The following ADAMTS9 variants were observed in gnomAD, a reference collection of about 807,000 sequenced individuals.
ADAMTS9 encodes the protein ADAM metallopeptidase with thrombospondin type 1 motif 9.
Under a neutral mutation model 257.1 loss-of-function variants are expected in ADAMTS9, and 107 were observed. The observed-to-expected ratio is 0.42, with a 90% CI of 0.36 to 0.49. ADAMTS9 has a LOEUF of 0.49. ADAMTS9 is among the 20% of genes least tolerant of loss of function. The pLI is 0.03. For synonymous variants in ADAMTS9, 982 were observed against 880.9 expected (o/e 1.11, Z -2.03); for missense variants, 2,353 against 2,469.1 (o/e 0.95, Z 1.00).
rs1389038159 is a variant in ADAMTS9, at chr3:64,631,483, T to C, written c.2361A>G (p.Ser787=). Residue 787 remains serine, a synonymous_variant, in exon 16 of 40, where the codon TCA becomes TCG. Coordinates refer to ENST00000498707, the MANE Select transcript of ADAMTS9 (RefSeq NM_182920.2). The stretch of plus-strand genomic sequence containing the variant: ...AGTAGTTGTCATCGTCTGTTTCCCC[T>C]GAGAAACTGTGCTGCCGCACATCAA... ...TNIDVRQHSF[S]GETDDDNYLA... 2 of 1,613,982 alleles carry C rather than the reference T, an allele frequency of 1.2e-6. No homozygotes were observed. The highest frequency in any genetic ancestry group is 1.7e-6 in the Non-Finnish European group (2 of 1,179,936).
chr3:64,686,159 T>G lies in ADAMTS9; in HGVS notation c.516+409A>C, dbSNP rs549880750. Among the ~76,000 whole-genome samples the G allele has an allele frequency of 3.3e-5, 5 of 152,358 alleles. No individual in the cohort carries two copies. The South Asian group carries it at 1.0e-3, about 32-fold the overall frequency. On this transcript the variant is annotated intron_variant, in intron 2 of 39. Transcript: ENST00000498707. The surrounding 1 kb of genome is among the most constrained non-coding windows in gnomAD (Gnocchi z 4.6). ...GGGATCCTCAGCCCCACATCCCCGA[T>G]GCAAGGCGCACCAATAAGGAGTCTG...
chr3:64,533,407 T>G, intron 37 of ADAMTS9, 137 bp from the exon 38 acceptor site: 1 of 681,292 alleles, frequency 1.5e-6, no homozygotes, highest in Non-Finnish European at 2.5e-6. Flanking sequence ...TAATTATTGA[T>G]AGTATTTAGT....
At chr3:64,654,827 G>C in intron 6 of ADAMTS9, 1 of 581,194 alleles carries the variant, frequency 1.7e-6, no homozygotes, top group East Asian at 2.8e-5. Flanking sequence ...GTTTTCTTCT[G>C]TGGTCAGGGC....
At chr3:64,593,522 C>T (rs1399051112) in intron 28 of ADAMTS9, among the ~76,000 whole-genome samples, 1 of 152,232 alleles carries the variant, frequency 6.6e-6, no homozygotes, top group Non-Finnish European at 1.5e-5. Context: ...GCTGATGCTT[C>T]TGTTTGCCAA....
At chr3:64,629,302 G>C (rs1700307265) in intron 16 of ADAMTS9, among the ~76,000 whole-genome samples, 1 of 152,168 alleles carries the variant, frequency 6.6e-6, no homozygotes, top group South Asian at 2.1e-4. Flanking sequence ...AATGCAGTAA[G>C]ACGTCATTCC....
chr3:64,602,092 C>G lies in ADAMTS9; in HGVS notation c.3869G>C (p.Cys1290Ser). The change falls in exon 26 of 40, where the codon TGT becomes TCT. Residue 1290 changes from cysteine to serine, a missense_variant. Around this residue, in one of 3 missense-constraint regions of ADAMTS9, gnomAD observed 1,402 missense variants for 1,441.4 expected, o/e 0.97. Coordinates refer to ENST00000498707, the MANE Select transcript of ADAMTS9 (RefSeq NM_182920.2). ...CCTTTGAGGGCATGGTGACATGGAACAGTCCTGGTCAGTTTCTGGGATATA... is the reference window on the plus strand; with the variant it reads ...CCTTTGAGGGCATGGTGACATGGAAGAGTCCTGGTCAGTTTCTGGGATATA... ...QDYIPETDQD[C>S]SMSPCPQRTP... The G allele has an allele frequency of 6.2e-7, 1 of 1,614,096 alleles. No homozygotes were observed. The highest frequency in any genetic ancestry group is 1.1e-5 in the South Asian group (1 of 91,072).
intron 3 of ADAMTS9, among the ~76,000 whole-genome samples, chr3:64,659,998 G>A (rs1360324961): frequency 6.6e-6 from 1 of 152,162 alleles, no homozygotes; most frequent in African/African-American, 2.4e-5. Context: ...TTGGCTTGAA[G>A]TTTATATTAC....
At chr3:64,537,562 C>G (rs1200114060) in intron 37 of ADAMTS9, among the ~76,000 whole-genome samples, 1 of 151,512 alleles carries the variant, frequency 6.6e-6, no homozygotes, top group Non-Finnish European at 1.5e-5. Context: ...TAGCAATGCT[C>G]TTCTAAAGCT....
chr3:64,588,996 T>C (rs2084211307), intron 28 of ADAMTS9: 2 of 152,232 alleles, frequency 1.3e-5, no homozygotes, highest in Admixed American at 6.5e-5. Context: ...CCAAATAATG[T>C]GGCTCTTATT....
rs146070930 is a variant in ADAMTS9 at position 64,533,181 on chromosome 3, G to A, written c.5703C>T (p.Asp1901=). Residue 1901 remains aspartate, a synonymous_variant, in exon 38 of 40, where the codon GAC becomes GAT. Transcript: ENST00000498707. The part of the protein sequence containing the change: ...WISQGNYAVS[D]IKKSPDGTRV... ...AGAACCTTACCGGCGACTTCTTGAT[G>A]TCAGAGACAGCATAATTCCCTTGTG... is the stretch of plus-strand genomic sequence containing the variant. The A allele has an allele frequency of 1.5e-5, 24 of 1,613,378 alleles. No individual in the cohort carries two copies. The highest frequency in any genetic ancestry group is 1.9e-5 in the Non-Finnish European group (23 of 1,179,554).
chr3:64,597,101 A>T, intron 26 of ADAMTS9, 110 bp from the exon 27 acceptor site: 1 of 1,426,878 alleles, frequency 7.0e-7, no homozygotes. Context: ...TTCTCAAGTC[A>T]TCCACGAAGG....
At chr3:64,676,559 C>T (rs1275450426) in intron 3 of ADAMTS9, among the ~76,000 whole-genome samples, 2 of 152,020 alleles carry the variant, frequency 1.3e-5, no homozygotes, top group East Asian at 1.9e-4. Context: ...ATTAGTTTAT[C>T]ACCTGCTTGT....
chr3:64,671,924 A>G (rs1012235494), intron 3 of ADAMTS9, among the ~76,000 whole-genome samples: 5 of 152,364 alleles, frequency 3.3e-5, no homozygotes, highest in Admixed American at 6.5e-5. Context: ...TGGCAGATAC[A>G]AAGGTGCAAA....
chr3:64,626,530 G>A (rs1048666927), intron 16 of ADAMTS9, among the ~76,000 whole-genome samples: 3 of 152,154 alleles, frequency 2.0e-5, no homozygotes, highest in South Asian at 2.1e-4. Flanking sequence ...AGACATTGGA[G>A]AGTACCAAAG....
At chr3:64,600,545 TA>T (rs1178082873) in intron 26 of ADAMTS9, among the ~76,000 whole-genome samples, 2 of 152,230 alleles carry the variant, frequency 1.3e-5, no homozygotes, top group African/African-American at 4.8e-5. Context: ...ACACTTTCTT[TA>T]AATCCTAGCG....
At chr3:64,612,287 C>T (rs72890809) in intron 22 of ADAMTS9, among the ~76,000 whole-genome samples, 4,556 of 152,218 alleles carry the variant, frequency 0.03, 213 homozygotes, top group African/African-American at 0.1. Context: ...TCAATTCTAA[C>T]AGATGTTATA....
chr3:64,643,445 ATTTT>A (rs57471985), intron 11 of ADAMTS9, among the ~76,000 whole-genome samples: 24 of 61,418 alleles, frequency 3.9e-4, no homozygotes, highest in African/African-American at 1.3e-3. Flanking sequence ...TTACTCAATA[ATTTT>A]TTTTTTTTTT....
chr3:64,607,114 A>G, intron 22 of ADAMTS9, 35 bp from the exon 23 acceptor site: 2 of 1,607,006 alleles, frequency 1.2e-6, no homozygotes, highest in Non-Finnish European at 1.7e-6. Flanking sequence ...TATACAATTC[A>G]GCAAATCTTC....
At chr3:64,667,932 A>G (rs976649766) in intron 3 of ADAMTS9, among the ~76,000 whole-genome samples, 4 of 152,258 alleles carry the variant, frequency 2.6e-5, no homozygotes, top group East Asian at 1.9e-4. Context: ...GAAGTAGTAT[A>G]AGACGCTGAA....
Sources: allele counts gnomAD v4.1 joint callset (sites outside exome capture counted in the v4.1 genomes callset), GRCh38; gene constraint gnomAD v4.1.1; regional missense constraint gnomAD v4.1.1; non-coding constraint Gnocchi (gnomAD v3.1); transcripts MANE v1.5; gene names NCBI Gene and HGNC (gene_info 2026-07-23, HGNC 2026-07-21).